Variants in CLSTN2 observed in about 807,000 individuals in gnomAD.
CLSTN2 encodes the protein calsyntenin-2.
CLSTN2 carries 48 observed loss-of-function variants against 101.2 expected under a neutral mutation model. That is an observed-to-expected ratio of 0.47 (90% CI 0.38 to 0.60). CLSTN2 has a LOEUF of 0.60. CLSTN2 is among the 20% of genes least tolerant of loss of function. The pLI, the probability that CLSTN2 is intolerant of heterozygous loss-of-function variation, is 0.00. For missense variants in CLSTN2, 1,160 were observed against 1,238.2 expected (o/e 0.94, Z 0.95); for synonymous variants, 481 against 463.6 (o/e 1.04, Z -0.48).
intron 2 of CLSTN2, among the ~76,000 whole-genome samples, chr3:140,193,962 G>T (rs2010608721): frequency 6.6e-6 from 1 of 152,072 alleles, no homozygotes; most frequent in Admixed American, 6.6e-5. Flanking sequence ...TAGTTGCAAA[G>T]TGTCCATTTG....
chr3:140,276,300 GC>G (rs2107893236), intron 2 of CLSTN2, among the ~76,000 whole-genome samples: 1 of 152,244 alleles, frequency 6.6e-6, no homozygotes, highest in African/African-American at 2.4e-5. Flanking sequence ...CAGTTTGAAG[GC>G]CCTGAGAGTC....
chr3:140,371,195 G>A (rs1356306843), intron 2 of CLSTN2, among the ~76,000 whole-genome samples: 2 of 152,148 alleles, frequency 1.3e-5, no homozygotes, highest in African/African-American at 4.8e-5. Flanking sequence ...GTCCCAGCAG[G>A]TACCTCTGGA....
intron 2 of CLSTN2, among the ~76,000 whole-genome samples, chr3:140,183,498 A>G (rs1236870120): frequency 1.3e-5 from 2 of 152,200 alleles, no homozygotes; most frequent in African/African-American, 2.4e-5. Flanking sequence ...ACTCTGAGTT[A>G]ATGACAATAC....
chr3:140,145,018 C>T (rs2009760531), intron 1 of CLSTN2, among the ~76,000 whole-genome samples: 1 of 152,236 alleles, frequency 6.6e-6, no homozygotes, highest in Non-Finnish European at 1.5e-5. Context: ...CTTATGTACT[C>T]ATTGGTAGTT....
chr3:140,497,188 G>A (rs184465862), intron 8 of CLSTN2, among the ~76,000 whole-genome samples: 7 of 152,056 alleles, frequency 4.6e-5, no homozygotes, highest in African/African-American at 1.7e-4. Context: ...CGTGCAGATA[G>A]CTTGGACTCT....
chr3:140,063,984 C>T (rs2008255975), intron 1 of CLSTN2, among the ~76,000 whole-genome samples: 2 of 152,178 alleles, frequency 1.3e-5, no homozygotes, highest in Admixed American at 6.5e-5. Context: ...CCAGAAGCCC[C>T]TGCCAGGGCC....
intron 1 of CLSTN2, among the ~76,000 whole-genome samples, chr3:140,013,496 G>C (rs1228797707): frequency 6.6e-6 from 1 of 152,182 alleles, no homozygotes; most frequent in Admixed American, 6.5e-5. Context: ...GACACATGTG[G>C]GTGATATGGA....
intron 8 of CLSTN2, among the ~76,000 whole-genome samples, chr3:140,495,042 G>A (rs1934435368): frequency 6.6e-6 from 1 of 152,152 alleles, no homozygotes; most frequent in South Asian, 2.1e-4. Flanking sequence ...CCGCCACACT[G>A]TCTTCCACAA....
chr3:140,001,303 C>A (rs2006832765), intron 1 of CLSTN2, among the ~76,000 whole-genome samples: 1 of 152,018 alleles, frequency 6.6e-6, no homozygotes, highest in East Asian at 1.9e-4. Context: ...GCATTGCTAT[C>A]TACTAATCTC....
intron 2 of CLSTN2, among the ~76,000 whole-genome samples, chr3:140,233,730 C>T (rs898294516): frequency 6.6e-6 from 1 of 152,174 alleles, no homozygotes; most frequent in Middle Eastern, 3.2e-3. Context: ...CCTTGCCCTC[C>T]ACTGAAATAT....
chr3:140,235,512 G>C (rs140126807), intron 2 of CLSTN2, among the ~76,000 whole-genome samples: 374 of 152,346 alleles, frequency 2.5e-3, no homozygotes, highest in African/African-American at 8.6e-3. Context: ...GCTGTGTCCA[G>C]TTGTGTGCAG....
intron 2 of CLSTN2, among the ~76,000 whole-genome samples, chr3:140,213,162 T>A (rs1370950581): frequency 6.6e-6 from 1 of 152,182 alleles, no homozygotes; most frequent in African/African-American, 2.4e-5. Context: ...GCAGATGAAG[T>A]TAAACTCCTC....
At chr3:140,064,093 A>G (rs796792731) in intron 1 of CLSTN2, among the ~76,000 whole-genome samples, 25 of 152,172 alleles carry the variant, frequency 1.6e-4, no homozygotes, top group African/African-American at 5.8e-4. Flanking sequence ...ATAGCAGAGT[A>G]CTCTGGGGAG....
intron 1 of CLSTN2, among the ~76,000 whole-genome samples, chr3:140,087,468 G>A (rs1241103435): frequency 6.6e-6 from 1 of 152,142 alleles, no homozygotes; most frequent in Non-Finnish European, 1.5e-5. Flanking sequence ...CATTGGAAGG[G>A]CTCAGCTTCT....
At chr3:140,560,812 G>A (rs1450735587) in intron 12 of CLSTN2, among the ~76,000 whole-genome samples, 1 of 152,140 alleles carries the variant, frequency 6.6e-6, no homozygotes, top group Admixed American at 6.5e-5. Flanking sequence ...CTGACAAGAA[G>A]CCGGCAAAAA....
chr3:140,428,439 C>T (rs539299642), intron 5 of CLSTN2, among the ~76,000 whole-genome samples: 1 of 152,264 alleles, frequency 6.6e-6, no homozygotes, highest in East Asian at 1.9e-4. Flanking sequence ...TTGAAGAGAG[C>T]CACCGGAGAC....
intron 8 of CLSTN2, among the ~76,000 whole-genome samples, chr3:140,486,493 G>T (rs1934244197): frequency 1.3e-5 from 2 of 152,192 alleles, no homozygotes; most frequent in African/African-American, 2.4e-5. Context: ...TAAACTTTAT[G>T]TGAAGTGTTA....
chr3:140,168,667 T>C (rs562535133), intron 1 of CLSTN2, among the ~76,000 whole-genome samples: 23 of 152,226 alleles, frequency 1.5e-4, no homozygotes, highest in African/African-American at 5.5e-4. Flanking sequence ...TAGAGATAAT[T>C]TTTGTTTGTA....
chr3:139,977,711 T>TGGGGGGGGGGGGGGGGGGGGGGGGG (rs1398630588), intron 1 of CLSTN2, among the ~76,000 whole-genome samples: 1 of 96,908 alleles, frequency 1.0e-5, no homozygotes, highest in African/African-American at 4.7e-5. Flanking sequence ...GGGGAGGGGG[T>TGGGGGGGGGGGGGGGGGGGGGGGGG]GGGGGGCAGT....
Sources: allele counts gnomAD v4.1 joint callset (sites outside exome capture counted in the v4.1 genomes callset), GRCh38; gene constraint gnomAD v4.1.1; transcripts MANE v1.5; gene names NCBI Gene and HGNC (gene_info 2026-07-23, HGNC 2026-07-21).